The following PCDHA6 variants were observed in gnomAD, a reference collection of about 807,000 sequenced individuals.
PCDHA6 encodes protocadherin alpha-6.
A neutral mutation model predicts 60.3 loss-of-function variants in PCDHA6; 55 were observed. That is an observed-to-expected ratio of 0.91 (90% CI 0.73 to 1.14). The LOEUF is 1.14. PCDHA6 is among the 50% of genes most tolerant of loss of function. PCDHA6 has a pLI of 0.00. For synonymous variants in PCDHA6, 652 were observed against 557.9 expected (o/e 1.17, Z -2.38); for missense variants, 1,327 against 1,256.5 (o/e 1.06, Z -0.85).
At position 140,853,802 on chromosome 5, in the gene PCDHA6, G is replaced by T. The variant is rs10054866; in HGVS notation, c.2394+23317G>T. The T allele has an allele frequency of 3.5e-3, 3,416 of 986,938 alleles. 247 individuals are homozygous for T. The African/African-American group carries it at 0.056, about 16-fold the overall frequency. 61.1% of individuals were successfully genotyped at this position (986,938 alleles called of 1,614,324 possible). Reference sequence around the variant, plus strand: ...AGTAAGAGCAAATTTTCATTTTAAAGCACACCTGAGATGATTCTCATACAA... The same window carrying T: ...AGTAAGAGCAAATTTTCATTTTAAATCACACCTGAGATGATTCTCATACAA... On this transcript the variant is annotated intron_variant, in intron 1 of 3. Coordinates refer to ENST00000529310, the MANE Select transcript of PCDHA6 (RefSeq NM_018909.4).
chr5:140,883,966 G>A, intron 1 of PCDHA6: 1 of 1,613,094 alleles, frequency 6.2e-7, no homozygotes. Flanking sequence ...CGGCGCTGCT[G>A]ACGCCCGGGG....
At chr5:140,953,258 T>C (rs1042358653) in intron 1 of PCDHA6, among the ~76,000 whole-genome samples, 22 of 152,304 alleles carry the variant, frequency 1.4e-4, no homozygotes, top group African/African-American at 5.3e-4. Context: ...TTAGTTCTTT[T>C]AGCTTTAGCC....
In PCDHA6 at chr5:140,852,980, G is replaced by A. The variant is rs2150526808; in HGVS notation, c.2394+22495G>A. The A allele has an allele frequency of 1.0e-4, 36 of 347,518 alleles. 1 individual carries two copies. The highest frequency in any genetic ancestry group is 1.4e-4 in the Non-Finnish European group (33 of 236,394). 21.5% of individuals were successfully genotyped at this position (347,518 alleles called of 1,614,324 possible). A position where few individuals can be genotyped will look rare whatever the true frequency, so the allele number is the denominator to read the frequency against. The stretch of plus-strand genomic sequence containing the variant: ...TCCAAGCTCCCCCTCCCGTGTTCAC[G>A]CCATTCTCCTGCCTCAGCCTCCCGA... On this transcript the variant is annotated intron_variant, in intron 1 of 3. Transcript: ENST00000529310.
In PCDHA6 at chr5:140,829,866, C is replaced by T. The variant is rs180987045; in HGVS notation, c.1775C>T (p.Ala592Val). ...PRSLGAGQVV[A>V]KVRAVDADSG... ...TCACTGGGTGCAGGCCAAGTGGTGG[C>T]GAAGGTGCGCGCAGTTGACGCCGAC... The change falls in exon 1 of 4, where the codon GCG (alanine) becomes GTG (valine). Residue 592 changes from alanine to valine, a missense_variant. Physicochemically the swap from Ala to Val is moderately conservative, Grantham distance 64. Transcript: ENST00000529310. 5.0e-6 allele frequency: 8 copies of T among 1,613,772 alleles called. No homozygotes were observed. Among genetic ancestry groups the T allele is most frequent in the African/African-American group, 2.7e-5 (2 of 74,922 alleles).
At chr5:140,880,748 G>T (rs950550579) in intron 1 of PCDHA6, among the ~76,000 whole-genome samples, 10 of 152,220 alleles carry the variant, frequency 6.6e-5, no homozygotes, top group Non-Finnish European at 1.2e-4. Flanking sequence ...GATTGTCAGT[G>T]TAACTGCGTG....
chr5:140,968,951 A>G, intron 1 of PCDHA6: 4 of 1,614,228 alleles, frequency 2.5e-6, no homozygotes, highest in Non-Finnish European at 3.4e-6. Context: ...TTTGAGCATC[A>G]TCAAGTGCTA....
intron 1 of PCDHA6, among the ~76,000 whole-genome samples, chr5:140,975,067 T>C (rs2096652705): frequency 6.6e-6 from 1 of 152,146 alleles, no homozygotes; most frequent in African/African-American, 2.4e-5. Flanking sequence ...TCGAGCTCAT[T>C]CAGATTGTTG....
chr5:140,987,007 A>C (rs2097221901), intron 3 of PCDHA6, among the ~76,000 whole-genome samples: 1 of 152,142 alleles, frequency 6.6e-6, no homozygotes, highest in African/African-American at 2.4e-5. Context: ...TGAGGTCATG[A>C]GTTCGAGACC....
intron 1 of PCDHA6, chr5:140,876,117 C>G: frequency 6.2e-7 from 1 of 1,613,922 alleles, no homozygotes; most frequent in East Asian, 2.2e-5. Context: ...TGATGGTAAT[C>G]GATGGCGGTA....
intron 1 of PCDHA6, among the ~76,000 whole-genome samples, chr5:140,970,178 A>T (rs1190328996): frequency 6.6e-6 from 1 of 152,214 alleles, no homozygotes; most frequent in East Asian, 1.9e-4. Context: ...GCATACTCTG[A>T]ATTCATTGTA....
intron 1 of PCDHA6, among the ~76,000 whole-genome samples, chr5:140,889,062 T>C (rs1463008573): frequency 1.3e-5 from 2 of 152,052 alleles, no homozygotes; most frequent in African/African-American, 2.4e-5. Context: ...CCTTTTAATA[T>C]ACTACTTATT....
chr5:140,839,351 T>C (rs1465264211), intron 1 of PCDHA6, among the ~76,000 whole-genome samples: 3 of 147,262 alleles, frequency 2.0e-5, no homozygotes, highest in Non-Finnish European at 4.5e-5. Context: ...GGATCCTCCT[T>C]AGCCACCTAA....
intron 1 of PCDHA6, among the ~76,000 whole-genome samples, chr5:140,831,520 C>CTT (rs2150195630): frequency 1.3e-4 from 16 of 122,400 alleles, no homozygotes; most frequent in East Asian, 4.9e-4. Flanking sequence ...TGCCCCCCAC[C>CTT]TTTTTTTTTT....
At position 140,954,715 on chromosome 5, in the gene PCDHA6, G is replaced by A. The variant is rs189929573; in HGVS notation, c.2395-24234G>A. Among the ~76,000 whole-genome samples, 246 of 152,208 alleles carry A rather than the reference G, an allele frequency of 1.6e-3. 8 individuals carry two copies. Among genetic ancestry groups the A allele is most frequent in the Middle Eastern group, 3.4e-3 (1 of 294 alleles). ...GACTACAAAATTTTTCTCCCATTCT[G>A]TAGGTTGTCTTTTCACTCTGATGAT... On this transcript the variant is annotated intron_variant, in intron 1 of 3. Coordinates refer to ENST00000529310, the MANE Select transcript of PCDHA6 (RefSeq NM_018909.4).
intron 1 of PCDHA6, chr5:140,929,032 T>C (rs781951889): frequency 1.9e-6 from 3 of 1,614,236 alleles, no homozygotes; most frequent in East Asian, 2.2e-5. Flanking sequence ...CCCAGGCTGT[T>C]GCGCTCAGAG....
chr5:140,851,940 G>A (rs1431345124), intron 1 of PCDHA6: 2 of 966,626 alleles, frequency 2.1e-6, no homozygotes, highest in Non-Finnish European at 2.5e-6. Flanking sequence ...ATTGTAGTAT[G>A]TGACTTTCAA....
chr5:140,829,594 G>T lies in PCDHA6; in HGVS notation c.1503G>T (p.Glu501Asp), dbSNP rs141465004. ...SYSLVERRVG[E>D]RALSSYISVH... is the part of the protein sequence containing the mutation. The stretch of plus-strand genomic sequence containing the variant: ...CGCTGGTGGAGCGGCGGGTGGGCGA[G>T]CGCGCGTTGTCGAGCTACATTTCGG... Residue 501 changes from glutamate (E) to aspartate (D), a missense_variant, in exon 1 of 4, where the codon GAG becomes GAT. Coordinates refer to ENST00000529310, the MANE Select transcript of PCDHA6 (RefSeq NM_018909.4). The T allele has an allele frequency of 2.2e-5, 35 of 1,611,982 alleles. No homozygotes were observed. Among genetic ancestry groups the T allele is most frequent in the Non-Finnish European group, 3.0e-5 (35 of 1,179,774 alleles).
At chr5:140,979,035 G>A in intron 2 of PCDHA6, 28 bp downstream of exon 2, 1 of 1,612,986 alleles carries the variant, frequency 6.2e-7, no homozygotes, top group Non-Finnish European at 8.5e-7. Flanking sequence ...CATTCACTCA[G>A]AAGTAACCTT....
At chr5:141,003,968 G>A (rs1262948428) in intron 3 of PCDHA6, among the ~76,000 whole-genome samples, 1 of 152,148 alleles carries the variant, frequency 6.6e-6, no homozygotes, top group Non-Finnish European at 1.5e-5. Flanking sequence ...GGAGCATAAG[G>A]GAGGGGACTT....
Sources: gnomAD v4.1 joint callset for allele counts (sites outside exome capture counted in the v4.1 genomes callset) on GRCh38, gnomAD v4.1.1 for gene constraint, MANE v1.5 for transcripts, NCBI Gene and HGNC (gene_info 2026-07-23, HGNC 2026-07-21) for gene names.